Variants in ATP2C2 observed in about 807,000 individuals in gnomAD.
The protein encoded by ATP2C2 is calcium-transporting ATPase type 2C member 2.
Under a neutral mutation model 110.8 loss-of-function variants are expected in ATP2C2, and 171 were observed. The ratio of observed to expected loss-of-function variants is 1.54; its 90% CI spans 1.36 to 1.75. The LOEUF is 1.75. ATP2C2 is among the 40% of genes most tolerant of loss of function. The pLI, the probability that ATP2C2 is intolerant of heterozygous loss-of-function variation, is 0.00. For synonymous variants in ATP2C2, 804 were observed against 508.4 expected, an observed-to-expected ratio of 1.58 and a Z score of -7.82; for missense variants, 1,963 against 1,235.0, an observed-to-expected ratio of 1.59 and a Z score of -8.84.
Position 84,415,480 on chromosome 16 carries a change from C to A in ATP2C2, c.516-3C>A. The A allele has an allele frequency of 1.2e-6, 2 of 1,613,638 alleles. No homozygotes were observed. The highest frequency in any genetic ancestry group is 1.7e-6 in the Non-Finnish European group (2 of 1,179,536). On this transcript the variant is annotated splice_region_variant and splice_polypyrimidine_tract_variant and intron_variant, in intron 6 of 26. Transcript: ENST00000262429. ...CTTTTGCTTTTTACCATGTCAAATGCAGCCTAAGAGAAGGAAAACTCCAGC... is the reference window on the plus strand; with the variant it reads ...CTTTTGCTTTTTACCATGTCAAATGAAGCCTAAGAGAAGGAAAACTCCAGC...
At chr16:84,421,375 A>G (rs1320800089) in intron 7 of ATP2C2, among the ~76,000 whole-genome samples, 3 of 152,220 alleles carry the variant, frequency 2.0e-5, no homozygotes, top group Admixed American at 1.3e-4. Context: ...CTGAGATGCT[A>G]TGGCAGTGCA....
chr16:84,463,635 T>G lies in ATP2C2; in HGVS notation c.2744T>G (p.Leu915Trp). Residue 915 changes from leucine (L) to tryptophan (W), a missense_variant, in exon 27 of 27, where the codon TTG becomes TGG. Leu to Trp is a moderately conservative substitution (Grantham distance 61). Transcript: ENST00000262429. ...GCAGATTTGCTGTTTTTAACTGGAT[T>G]GGCCTCATCCGTCTTCATTTTGTCA... ...GALDLLFLTG[L>W]ASSVFILSEL... The G allele has an allele frequency of 6.2e-7, 1 of 1,614,194 alleles. No individual in the cohort carries two copies. Among genetic ancestry groups the G allele is most frequent in the East Asian group, 2.2e-5 (1 of 44,886 alleles).
chr16:84,463,619 C>T lies in ATP2C2; in HGVS notation c.2728C>T (p.Leu910=). 10 of 1,613,488 alleles carry T rather than the reference C, an allele frequency of 6.2e-6. No individual in the cohort carries two copies. Among genetic ancestry groups the T allele is most frequent in the Non-Finnish European group, 8.5e-6 (10 of 1,179,358 alleles). Residue 910 remains leucine, a synonymous_variant, in exon 27 of 27, where the codon CTG becomes TTG. Transcript: ENST00000262429. The stretch of plus-strand genomic sequence containing the variant: ...TCTGTTTTCTCCCTTGGCAGATTTG[C>T]TGTTTTTAACTGGATTGGCCTCATC... ...QTENLGALDL[L]FLTGLASSVF...
intron 16 of ATP2C2, among the ~76,000 whole-genome samples, chr16:84,446,746 C>G (rs1185953340): frequency 6.6e-6 from 1 of 152,124 alleles, no homozygotes; most frequent in Non-Finnish European, 1.5e-5. Flanking sequence ...GGGGTGGGAC[C>G]CAGTAACCTT....
intron 6 of ATP2C2, among the ~76,000 whole-genome samples, chr16:84,411,828 G>A (rs947372762): frequency 2.0e-5 from 3 of 152,208 alleles, no homozygotes; most frequent in Non-Finnish European, 4.4e-5. Flanking sequence ...GGGCAGCTCA[G>A]CTTAGAACAT....
intron 7 of ATP2C2, among the ~76,000 whole-genome samples, chr16:84,420,470 TTC>T (rs754924017): frequency 0.24 from 33,280 of 139,114 alleles, 4,094 homozygotes; most frequent in Non-Finnish European, 0.29. Context: ...CTCCCTTTCT[TTC>T]TTTTTTTTTT....
At chr16:84,405,421 G>T (rs1905677438) in intron 3 of ATP2C2, among the ~76,000 whole-genome samples, 177 bp downstream of exon 3, 1 of 152,068 alleles carries the variant, frequency 6.6e-6, no homozygotes, top group Non-Finnish European at 1.5e-5. Flanking sequence ...AGGCAACCGC[G>T]ATCAGGAAAA....
rs981053771 is a variant in ATP2C2, at chr16:84,454,528, T to G, written c.1981-290T>G. 2.6e-4 allele frequency among the ~76,000 whole-genome samples: 40 copies of G among 152,322 alleles called. 1 individual carries two copies. The highest frequency in any genetic ancestry group is 2.2e-3 in the Admixed American group (34 of 15,302). On this transcript the variant is annotated intron_variant, in intron 20 of 26. Coordinates refer to ENST00000262429, the MANE Select transcript of ATP2C2 (RefSeq NM_014861.4). ...TTTATTACTGGGACTGGATAACCTT[T>G]ATGAGCCTTTACTGACCGTGCTGGG... is the stretch of plus-strand genomic sequence containing the variant.
Position 84,402,198 on chromosome 16 carries a change from TTA to T in ATP2C2, c.211-2928_211-2927del, listed in dbSNP as rs527354754. On this transcript the variant is annotated intron_variant, in intron 2 of 26. Coordinates refer to ENST00000262429, the MANE Select transcript of ATP2C2 (RefSeq NM_014861.4). ...TATCCTCTAACTTTACTGATTTTGTTTATGAGTTCTAATAGCTTTAGGTGGAG... is the reference window on the plus strand; with the variant it reads ...TATCCTCTAACTTTACTGATTTTGTTTGAGTTCTAATAGCTTTAGGTGGAG... 2.2e-3 allele frequency among the ~76,000 whole-genome samples: 339 copies of T among 152,338 alleles called. 1 individual carries two copies. The highest frequency in any genetic ancestry group is 4.2e-3 in the Non-Finnish European group (284 of 68,034).
intron 6 of ATP2C2, among the ~76,000 whole-genome samples, chr16:84,411,862 G>A (rs901140303): frequency 9.9e-5 from 15 of 152,236 alleles, no homozygotes; most frequent in African/African-American, 3.4e-4. Flanking sequence ...TCTAGGAACA[G>A]CTGCCATTGG....
intron 6 of ATP2C2, among the ~76,000 whole-genome samples, chr16:84,412,623 C>G (rs967317025): frequency 2.6e-5 from 4 of 152,090 alleles, no homozygotes; most frequent in African/African-American, 9.6e-5. Flanking sequence ...GGGAAAACAG[C>G]TCATTCTAAG....
chr16:84,377,640 A>G (rs1022454598), intron 1 of ATP2C2, among the ~76,000 whole-genome samples: 3 of 152,102 alleles, frequency 2.0e-5, no homozygotes, highest in Non-Finnish European at 4.4e-5. Flanking sequence ...GACATCATTT[A>G]GCTGTAATGA....
intron 1 of ATP2C2, among the ~76,000 whole-genome samples, chr16:84,373,956 GACTCAA>G (rs1910109803): frequency 6.6e-6 from 1 of 152,320 alleles, no homozygotes; most frequent in East Asian, 1.9e-4. Flanking sequence ...AGGATAATCA[GACTCAA>G]ACTCAAGTCC....
At position 84,464,008 on chromosome 16, in the gene ATP2C2, TCTAA is replaced by T. The variant is rs909215467; in HGVS notation, c.*280_*283del. 1 of 335,210 alleles carries T rather than the reference TCTAA, an allele frequency of 3.0e-6. No homozygotes were observed. Among genetic ancestry groups the T allele is most frequent in the Non-Finnish European group, 5.5e-6 (1 of 181,220 alleles). 20.8% of individuals were successfully genotyped at this position (335,210 alleles called of 1,614,324 possible). A position where few individuals can be genotyped will look rare whatever the true frequency, so the allele number is the denominator to read the frequency against. On this transcript the variant is annotated 3_prime_UTR_variant, in exon 27 of 27. Coordinates refer to ENST00000262429, the MANE Select transcript of ATP2C2 (RefSeq NM_014861.4). ...ATCACAATGATTTTTATTAACCATGTCTAACTACGTATCTGTGCCACAGCTTGCA... is the reference window on the plus strand; with the variant it reads ...ATCACAATGATTTTTATTAACCATGTCTACGTATCTGTGCCACAGCTTGCA...
intron 11 of ATP2C2, among the ~76,000 whole-genome samples, chr16:84,426,578 C>G (rs990369464): frequency 1.3e-5 from 2 of 152,150 alleles, no homozygotes; most frequent in Non-Finnish European, 2.9e-5. Context: ...TCTTAGCTCT[C>G]TGTGCCCCAG....
intron 10 of ATP2C2, 26 bp from the exon 11 acceptor site, chr16:84,425,709 T>G (rs1322551591): frequency 1.9e-6 from 3 of 1,611,190 alleles, no homozygotes; most frequent in Middle Eastern, 3.3e-4. Context: ...CATATGGAGA[T>G]AAGGATGTTT....
intron 1 of ATP2C2, among the ~76,000 whole-genome samples, chr16:84,392,598 G>T (rs1349611097): frequency 6.6e-6 from 1 of 152,128 alleles, no homozygotes; most frequent in Admixed American, 6.5e-5. Context: ...GAGTAGCTGG[G>T]ATTACAGGTG....
rs372496579 is a variant in ATP2C2, at chr16:84,451,991, C to T, written c.1731C>T (p.Pro577=). 60 of 1,613,922 alleles carry T rather than the reference C, an allele frequency of 3.7e-5. 1 individual carries two copies. In the Middle Eastern group the frequency reaches 6.6e-4, roughly 18 times the overall value. ...TFLGLVGIID[P]PRVGVKEAVQ... is the part of the protein sequence containing the mutation. ...TCGGTCTTGTGGGCATCATTGACCCCCCGAGAGTTGGCGTGAAGGAAGCAG... is the reference window on the plus strand; with the variant it reads ...TCGGTCTTGTGGGCATCATTGACCCTCCGAGAGTTGGCGTGAAGGAAGCAG... The change falls in exon 18 of 27, where the codon CCC becomes CCT. Residue 577 remains proline (P), a synonymous_variant. Coordinates refer to ENST00000262429, the MANE Select transcript of ATP2C2 (RefSeq NM_014861.4).
chr16:84,443,384 G>A (rs1490887123), intron 15 of ATP2C2, among the ~76,000 whole-genome samples: 6 of 152,082 alleles, frequency 3.9e-5, no homozygotes, highest in African/African-American at 1.4e-4. Context: ...TCCCCGACCC[G>A]CTCCGTGCTT....
Sources: allele counts gnomAD v4.1 joint callset (sites outside exome capture counted in the v4.1 genomes callset), GRCh38; gene constraint gnomAD v4.1.1; transcripts MANE v1.5; gene names NCBI Gene and HGNC (gene_info 2026-07-23, HGNC 2026-07-21).